The following NECTIN2 variants were observed in gnomAD, a reference collection of about 807,000 sequenced individuals.
NECTIN2 encodes the protein nectin-2.
A neutral mutation model predicts 56.9 loss-of-function variants in NECTIN2; 23 were observed. That is an observed-to-expected ratio of 0.40 (90% CI 0.29 to 0.57). The LOEUF (loss-of-function observed/expected upper bound fraction) is 0.57. Among genes scored for constraint, NECTIN2 ranks in the 20% least tolerant of loss-of-function variants. The probability of loss-of-function intolerance (pLI) is 0.38; values close to 1 mark genes in which losing one functional copy is unlikely to be tolerated. For synonymous variants in NECTIN2, 302 were observed against 313.8 expected (o/e 0.96, Z 0.40); for missense variants, 587 against 718.3 (o/e 0.82, Z 2.09).
rs373193858 is a variant in NECTIN2, at chr19:44,888,484, C to G, written c.*105C>G. 1 of 1,230,676 alleles carries G rather than the reference C, an allele frequency of 8.1e-7. No individual in the cohort carries two copies. The highest frequency in any genetic ancestry group is 2.5e-5 in the East Asian group (1 of 39,318). 76.2% of individuals were successfully genotyped at this position (1,230,676 alleles called of 1,614,324 possible). Reference sequence around the variant, plus strand: ...CTGGCCAGGCCACTGTCAGTTAACACATATGCATTCCATTTGTGATGTCTA... The same window carrying G: ...CTGGCCAGGCCACTGTCAGTTAACAGATATGCATTCCATTTGTGATGTCTA... On this transcript the variant is annotated 3_prime_UTR_variant, in exon 9 of 9. Transcript: ENST00000252483.
chr19:44,865,319 TCGGGG>T lies in NECTIN2; in HGVS notation c.138_142del (p.Gly47HisfsTer40), dbSNP rs1194305638. On this transcript the variant is annotated frameshift_variant, in exon 2 of 9. Coordinates refer to ENST00000252483, the MANE Select transcript of NECTIN2 (RefSeq NM_001042724.2). LOFTEE classifies it high-confidence loss of function. This position sits in a 1 kb window ranked among gnomAD's most constrained non-coding sequence, Gnocchi z 5.2. ...GTGCTACCCGAGGTGCGAGGCCAGC[TCGGGG>T]GCACCGTGGAGCTGCCGTGCCACCT... 1.2e-6 allele frequency: 2 copies of T among 1,613,818 alleles called. No individual in the cohort carries two copies. The highest frequency in any genetic ancestry group is 8.5e-7 in the Non-Finnish European group (1 of 1,179,946).
intron 2 of NECTIN2, among the ~76,000 whole-genome samples, chr19:44,869,435 AC>A (rs1222200767): frequency 6.6e-6 from 1 of 151,860 alleles, no homozygotes; most frequent in African/African-American, 2.4e-5. Flanking sequence ...TACTAAAAAT[AC>A]AAAAAAATTA....
chr19:44,850,416 A>G (rs960161717), intron 1 of NECTIN2, among the ~76,000 whole-genome samples: 9 of 152,206 alleles, frequency 5.9e-5, no homozygotes, highest in Middle Eastern at 3.4e-3. Flanking sequence ...AGGTCCAGGC[A>G]GGTGTATCAC....
At chr19:44,855,867 AC>A (rs1486205671) in intron 1 of NECTIN2, among the ~76,000 whole-genome samples, 1 of 152,154 alleles carries the variant, frequency 6.6e-6, no homozygotes, top group Admixed American at 6.6e-5. Context: ...ACCCTCTAGC[AC>A]CCAGGACCTG....
chr19:44,848,235 C>A (rs1968859905), intron 1 of NECTIN2, among the ~76,000 whole-genome samples: 1 of 152,294 alleles, frequency 6.6e-6, no homozygotes, highest in Middle Eastern at 3.4e-3. Flanking sequence ...TGGGTGAATT[C>A]TCCGAACCCA....
intron 7 of NECTIN2, 64 bp downstream of exon 7, chr19:44,886,064 G>C: frequency 1.9e-6 from 3 of 1,570,214 alleles, no homozygotes; most frequent in South Asian, 2.2e-5. Flanking sequence ...GCTGGGAGGG[G>C]CCTGGCAGGG....
At chr19:44,888,089 C>T (rs1176013959) in intron 8 of NECTIN2, 21 bp from the exon 9 acceptor site, 12 of 1,603,970 alleles carry the variant, frequency 7.5e-6, no homozygotes, top group Non-Finnish European at 1.0e-5. Context: ...TCTTGAGTTC[C>T]TGTCCTCTCT....
intron 2 of NECTIN2, among the ~76,000 whole-genome samples, chr19:44,866,493 G>A (rs1018318622): frequency 6.6e-6 from 1 of 152,084 alleles, no homozygotes; most frequent in Non-Finnish European, 1.5e-5. Flanking sequence ...AAGGAGGTCT[G>A]GGGATATTTA....
intron 2 of NECTIN2, among the ~76,000 whole-genome samples, chr19:44,867,133 C>T (rs145607190): frequency 0.011 from 1,707 of 152,216 alleles, 34 homozygotes; most frequent in African/African-American, 0.038. Context: ...ATTCTCCTGC[C>T]TCAGCCTCCC....
intron 3 of NECTIN2, 77 bp downstream of exon 3, chr19:44,872,226 T>G: frequency 6.6e-7 from 1 of 1,507,276 alleles, no homozygotes; most frequent in Non-Finnish European, 9.0e-7. Flanking sequence ...CTACATTGTC[T>G]CTGAATGTTG....
intron 1 of NECTIN2, among the ~76,000 whole-genome samples, chr19:44,850,088 A>C (rs980214500): frequency 7.9e-5 from 12 of 152,204 alleles, no homozygotes; most frequent in African/African-American, 2.9e-4. Context: ...TAATTCCAGC[A>C]CTTTGGGAGG....
chr19:44,849,211 T>G (rs1599905263), intron 1 of NECTIN2, among the ~76,000 whole-genome samples: 2 of 146,388 alleles, frequency 1.4e-5, no homozygotes, highest in African/African-American at 2.6e-5. Flanking sequence ...CGGCACAGGG[T>G]CGGGGGAGTG....
At chr19:44,857,425 G>A (rs1396539917) in intron 1 of NECTIN2, among the ~76,000 whole-genome samples, 5 of 150,516 alleles carry the variant, frequency 3.3e-5, no homozygotes, top group Non-Finnish European at 7.4e-5. Flanking sequence ...TTTTTGAGAC[G>A]GAGTCTTGCT....
At chr19:44,857,428 G>C (rs1431449193) in intron 1 of NECTIN2, among the ~76,000 whole-genome samples, 1 of 151,376 alleles carries the variant, frequency 6.6e-6, no homozygotes, top group Admixed American at 6.6e-5. Context: ...TTGAGACGGA[G>C]TCTTGCTCTA....
chr19:44,848,373 C>G (rs1968861191), intron 1 of NECTIN2, among the ~76,000 whole-genome samples: 1 of 152,194 alleles, frequency 6.6e-6, no homozygotes, highest in Non-Finnish European at 1.5e-5. Context: ...AGGCAAGCAG[C>G]CTTCTCAAGG....
intron 5 of NECTIN2, chr19:44,878,828 T>A (rs1969275197): frequency 7.3e-7 from 1 of 1,361,260 alleles, no homozygotes. Flanking sequence ...CCCGGGGAGC[T>A]GAGTAGTGGG....
intron 6 of NECTIN2, among the ~76,000 whole-genome samples, chr19:44,884,930 T>C (rs1969343163): frequency 6.6e-6 from 1 of 152,240 alleles, no homozygotes; most frequent in Non-Finnish European, 1.5e-5. Flanking sequence ...ACTGAACTCC[T>C]CATAGTGGAT....
Position 44,874,657 on chromosome 19 carries a change from G to GGGGCCTCA in NECTIN2, c.1042+180_1042+181insGGCCTCAG. 1 of 723,382 alleles carries GGGGCCTCA rather than the reference G, an allele frequency of 1.4e-6. No individual in the cohort carries two copies. The highest frequency in any genetic ancestry group is 2.2e-6 in the Non-Finnish European group (1 of 445,734). The allele number at this position is 723,382 out of a possible 1,614,324, so 44.8% of individuals were successfully genotyped here. A position where few individuals can be genotyped will look rare whatever the true frequency, so the allele number is the denominator to read the frequency against. On this transcript the variant is annotated intron_variant, in intron 5 of 8. Transcript: ENST00000252483. This position sits in a 1 kb window ranked among gnomAD's most constrained non-coding sequence, Gnocchi z 6.3. ...CCCTCGTGGCCTCAGACTGGGGTCTGGATTTGGGGTGTCGGGGTAGGTGAA... is the reference window on the plus strand; with the variant it reads ...CCCTCGTGGCCTCAGACTGGGGTCTGGGGCCTCAGATTTGGGGTGTCGGGGTAGGTGAA...
Position 44,874,155 on chromosome 19 carries a change from G to A in NECTIN2, c.893+122G>A. 2 of 1,216,522 alleles carry A rather than the reference G, an allele frequency of 1.6e-6. No individual in the cohort carries two copies. Among genetic ancestry groups the A allele is most frequent in the Non-Finnish European group, 2.3e-6 (2 of 862,424 alleles). 75.4% of individuals were successfully genotyped at this position (1,216,522 alleles called of 1,614,324 possible). A position where few individuals can be genotyped will look rare whatever the true frequency, so the allele number is the denominator to read the frequency against. On this transcript the variant is annotated intron_variant, in intron 4 of 8. Coordinates refer to ENST00000252483, the MANE Select transcript of NECTIN2 (RefSeq NM_001042724.2). The surrounding 1 kb of genome is among the most constrained non-coding windows in gnomAD (Gnocchi z 6.3). ...CCTGGATCTGAGGGAGGAGGGGCTGGGCCTAAATTCCTAAGTCCTCCAGGA... is the reference window on the plus strand; with the variant it reads ...CCTGGATCTGAGGGAGGAGGGGCTGAGCCTAAATTCCTAAGTCCTCCAGGA...
Sources: allele counts gnomAD v4.1 joint callset (sites outside exome capture counted in the v4.1 genomes callset), GRCh38; gene constraint gnomAD v4.1.1; non-coding constraint Gnocchi (gnomAD v3.1); transcripts MANE v1.5; gene names NCBI Gene and HGNC (gene_info 2026-07-23, HGNC 2026-07-21).